The following MKRN2 variants were observed in gnomAD, a reference collection of about 807,000 sequenced individuals.
MKRN2 encodes makorin ring finger protein 2.
A neutral mutation model predicts 45.4 loss-of-function variants in MKRN2; 32 were observed. The ratio of observed to expected loss-of-function variants is 0.70; its 90% CI spans 0.53 to 0.95. MKRN2 has a LOEUF of 0.95. Ranked by LOEUF, MKRN2 falls within the 40% of genes least tolerant of loss-of-function variation. The pLI, the probability that MKRN2 is intolerant of heterozygous loss-of-function variation, is 0.00. For synonymous variants in MKRN2, 206 were observed against 192.4 expected, an observed-to-expected ratio of 1.07 and a Z score of -0.59; for missense variants, 526 against 536.7, an observed-to-expected ratio of 0.98 and a Z score of 0.20.
At chr3:12,564,373 A>G (rs902114908) in intron 1 of MKRN2, among the ~76,000 whole-genome samples, 2 of 151,890 alleles carry the variant, frequency 1.3e-5, no homozygotes, top group Non-Finnish European at 2.9e-5. Flanking sequence ...TTTATAATCT[A>G]CTCTTCTCAG....
intron 5 of MKRN2, 48 bp from the exon 6 acceptor site, chr3:12,576,583 A>G: frequency 2.2e-6 from 3 of 1,377,160 alleles, no homozygotes; most frequent in Non-Finnish European, 3.1e-6. Flanking sequence ...GAGTGTGCCC[A>G]GGCTTCGTAA....
chr3:12,562,454 C>CT (rs1419707579), intron 1 of MKRN2, among the ~76,000 whole-genome samples: 2 of 152,322 alleles, frequency 1.3e-5, no homozygotes, highest in African/African-American at 2.4e-5. Context: ...AACAGGAACT[C>CT]TAAGTTTCTA....
intron 1 of MKRN2, among the ~76,000 whole-genome samples, chr3:12,557,821 G>T (rs1489007329): frequency 6.6e-6 from 1 of 152,248 alleles, no homozygotes; most frequent in Non-Finnish European, 1.5e-5. Context: ...GAGACCGAAA[G>T]ACGTTGACAC....
intron 5 of MKRN2, 92 bp downstream of exon 5, chr3:12,575,098 C>T: frequency 5.9e-6 from 7 of 1,194,310 alleles, no homozygotes; most frequent in Non-Finnish European, 7.2e-6. Context: ...CCGTTACCCT[C>T]AAGAGTAACT....
chr3:12,578,843 G>A (rs2058159710), intron 6 of MKRN2, among the ~76,000 whole-genome samples: 1 of 140,868 alleles, frequency 7.1e-6, no homozygotes, highest in African/African-American at 2.6e-5. Context: ...TTGCATATTA[G>A]TTTACTAAAG....
chr3:12,576,605 C>T (rs753168283), intron 5 of MKRN2, 26 bp from the exon 6 acceptor site: 2 of 1,525,054 alleles, frequency 1.3e-6, no homozygotes, highest in Admixed American at 3.4e-5. Context: ...ATGACTTCTC[C>T]CTTAGTAATC....
intron 1 of MKRN2, among the ~76,000 whole-genome samples, chr3:12,566,883 G>A (rs1234256057): frequency 1.3e-5 from 2 of 152,166 alleles, no homozygotes; most frequent in Non-Finnish European, 2.9e-5. Flanking sequence ...GATTATAGGC[G>A]TGAGCCACCA....
At chr3:12,567,070 C>T (rs2058072536) in intron 1 of MKRN2, among the ~76,000 whole-genome samples, 1 of 152,092 alleles carries the variant, frequency 6.6e-6, no homozygotes, top group Non-Finnish European at 1.5e-5. Flanking sequence ...TTATAGGTCA[C>T]ATTATTTTCT....
In MKRN2 at chr3:12,561,656, C is replaced by T. The variant is rs189654241; in HGVS notation, c.26+4480C>T. On this transcript the variant is annotated intron_variant, in intron 1 of 7. Coordinates refer to ENST00000170447, the MANE Select transcript of MKRN2 (RefSeq NM_014160.5). ...GGAAAGAAACTATACAGTATTTATT[C>T]GATATCACTTTTGTTTAACTGCTTA... Among the ~76,000 whole-genome samples, 50 of 152,252 alleles carry T rather than the reference C, an allele frequency of 3.3e-4. No homozygotes were observed. In the East Asian group the frequency reaches 9.1e-3, roughly 28 times the overall value.
chr3:12,565,524 CTTTTTTTTTTT>C (rs10598451), intron 1 of MKRN2, among the ~76,000 whole-genome samples: 17 of 91,962 alleles, frequency 1.8e-4, no homozygotes, highest in African/African-American at 5.6e-4. Context: ...CCCAACTTAC[CTTTTTTTTTTT>C]TTTTTTTTTT....
rs139210822 is a variant in MKRN2, at chr3:12,567,047, A to T, written c.27-1828A>T. Among the ~76,000 whole-genome samples the T allele has an allele frequency of 1.4e-3, 217 of 151,460 alleles. 1 individual carries two copies. The highest frequency in any genetic ancestry group is 5.0e-3 in the African/African-American group (208 of 41,298). On this transcript the variant is annotated intron_variant, in intron 1 of 7. Transcript: ENST00000170447. ...ATCATCTCTGTAATTCCTGTTCTTT[A>T]TTTTTCTCCTGGTTATAGGTCACAT...
chr3:12,574,289 G>C (rs1439388920), intron 4 of MKRN2, among the ~76,000 whole-genome samples: 1 of 152,230 alleles, frequency 6.6e-6, no homozygotes, highest in Non-Finnish European at 1.5e-5. Flanking sequence ...GCACATAGAA[G>C]GAATTCAGGG....
In MKRN2 at chr3:12,570,306, G is replaced by T; in HGVS notation, c.337+54G>T. ...CTTTTTGCATAGCACTCTTGTTAATGCTTGGTGCTCCTTTCTAGCCTCCTC... is the reference window on the plus strand; with the variant it reads ...CTTTTTGCATAGCACTCTTGTTAATTCTTGGTGCTCCTTTCTAGCCTCCTC... On this transcript the variant is annotated intron_variant, in intron 3 of 7. Coordinates refer to ENST00000170447, the MANE Select transcript of MKRN2 (RefSeq NM_014160.5). 5.8e-6 allele frequency: 9 copies of T among 1,541,000 alleles called. No homozygotes were observed. In the Middle Eastern group the frequency reaches 5.2e-4, roughly 89 times the overall value.
intron 5 of MKRN2, among the ~76,000 whole-genome samples, chr3:12,575,484 C>G (rs2058128196): frequency 6.6e-6 from 1 of 152,166 alleles, no homozygotes; most frequent in Non-Finnish European, 1.5e-5. Flanking sequence ...ATAGGAGTCT[C>G]AAATTCTCCA....
rs1575522361 is a variant in MKRN2 at position 12,576,640 on chromosome 3, A to G, written c.867A>G (p.Pro289=). ...QFENPIIKSC[P]ECRVISEFVI... ...CTAATTCTTATTTCAGGTCTTGTCCAGAATGCCGTGTGATATCAGAGTTTG... is the reference window on the plus strand; with the variant it reads ...CTAATTCTTATTTCAGGTCTTGTCCGGAATGCCGTGTGATATCAGAGTTTG... Residue 289 remains proline (P), a synonymous_variant, in exon 6 of 8, where the codon CCA becomes CCG. Coordinates refer to ENST00000170447, the MANE Select transcript of MKRN2 (RefSeq NM_014160.5). 3.1e-6 allele frequency: 5 copies of G among 1,599,236 alleles called. No homozygotes were observed. Among genetic ancestry groups the G allele is most frequent in the East Asian group, 2.2e-5 (1 of 44,758 alleles).
chr3:12,578,879 T>A (rs1211719766), intron 6 of MKRN2, among the ~76,000 whole-genome samples: 1 of 150,688 alleles, frequency 6.6e-6, no homozygotes, highest in Non-Finnish European at 1.5e-5. Context: ...TTTTTTTTTT[T>A]TACCATTTTT....
intron 1 of MKRN2, among the ~76,000 whole-genome samples, chr3:12,559,164 G>T (rs2058013169): frequency 1.3e-5 from 2 of 152,188 alleles, no homozygotes; most frequent in African/African-American, 4.8e-5. Context: ...AGGAGTCAGG[G>T]CTCCCGATGA....
chr3:12,560,803 C>A, intron 1 of MKRN2: 1 of 152,442 alleles, frequency 6.6e-6, no homozygotes. Context: ...AGTCGTCTCT[C>A]CCCTCCTCCA....
At chr3:12,581,778 G>C in intron 6 of MKRN2, 30 bp from the exon 7 acceptor site, 1 of 1,611,776 alleles carries the variant, frequency 6.2e-7, no homozygotes, top group Non-Finnish European at 8.5e-7. Flanking sequence ...TTTCCCACCA[G>C]CCTCTTGACT....
Sources: allele counts gnomAD v4.1 joint callset (sites outside exome capture counted in the v4.1 genomes callset), GRCh38; gene constraint gnomAD v4.1.1; transcripts MANE v1.5; gene names NCBI Gene and HGNC (gene_info 2026-07-23, HGNC 2026-07-21).